GPI: variants seen among roughly 807,000 people sequenced by gnomAD.
GPI encodes the protein glucose-6-phosphate isomerase.
In GPI, 56 loss-of-function variants were observed where a neutral mutation model predicts 75.8. That is an observed-to-expected ratio of 0.74 (90% CI 0.60 to 0.92). The LOEUF is 0.92. Ranked by LOEUF, GPI falls within the 40% of genes least tolerant of loss-of-function variation. The pLI is 0.00. For synonymous variants in GPI, 288 were observed against 285.4 expected, an observed-to-expected ratio of 1.01 and a Z score of -0.09; for missense variants, 638 against 741.0, an observed-to-expected ratio of 0.86 and a Z score of 1.61.
intron 9 of GPI, chr19:34,392,126 T>A (rs1439788516): frequency 8.4e-4 from 1 of 1,194 alleles, no homozygotes. Flanking sequence ...GATCTGCATC[T>A]GTCAGTTTCT....
Position 34,378,421 on chromosome 19 carries a change from G to A in GPI, c.634-513G>A, listed in dbSNP as rs182189991. On this transcript the variant is annotated intron_variant, in intron 6 of 17. Transcript: ENST00000356487. ...GTAGAGATGGGCTTTTGCCATGTTG[G>A]CCATGCTGGTCTTGAACTCCTGACC... is the stretch of plus-strand genomic sequence containing the variant. Among the ~76,000 whole-genome samples the A allele has an allele frequency of 5.8e-3, 882 of 151,956 alleles. 2 individuals are homozygous for A. Among genetic ancestry groups the A allele is most frequent in the Non-Finnish European group, 6.2e-3 (418 of 67,958 alleles).
At chr19:34,395,012 C>T (rs763924661) in intron 12 of GPI, among the ~76,000 whole-genome samples, 2 of 152,152 alleles carry the variant, frequency 1.3e-5, no homozygotes, top group Non-Finnish European at 2.9e-5. Context: ...CCATGCCCAA[C>T]CCTATCCTTG....
chr19:34,368,705 A>T lies in GPI; in HGVS notation c.402+3A>T, dbSNP rs368862023. ...ACAAGATGAAGTCTTTCTGCCAGGT[A>T]AGTGGCTACTGGGCCGGACTCACCC... On this transcript the variant is annotated splice_donor_region_variant and intron_variant, in intron 4 of 17. Coordinates refer to ENST00000356487, the MANE Select transcript of GPI (RefSeq NM_000175.5). The T allele has an allele frequency of 1.7e-4, 278 of 1,614,064 alleles. No individual in the cohort carries two copies. Among genetic ancestry groups the T allele is most frequent in the Non-Finnish European group, 2.3e-4 (269 of 1,180,032 alleles).
rs1490977138 is a variant in GPI, at chr19:34,399,271, C to T, written c.1334C>T (p.Ala445Val). The T allele has an allele frequency of 6.2e-7, 1 of 1,613,876 alleles. No homozygotes were observed. The highest frequency in any genetic ancestry group is 2.2e-5 in the East Asian group (1 of 44,872). The change falls in exon 15 of 18, where the codon GCC (alanine) becomes GTC (valine). Residue 445 changes from alanine to valine, a missense_variant. By Grantham distance (64) the Ala-to-Val change is moderately conservative. Coordinates refer to ENST00000356487, the MANE Select transcript of GPI (RefSeq NM_000175.5). ...ALMRGKSTEE[A>V]RKELQAAGKS... ...ATGAGGGGAAAATCGACGGAGGAGG[C>T]CCGAAAGGAGCTCCAGGCTGCGGGC... is the stretch of plus-strand genomic sequence containing the variant.
chr19:34,396,722 C>T, intron 14 of GPI, 65 bp downstream of exon 14: 1 of 1,277,770 alleles, frequency 7.8e-7, no homozygotes, highest in Admixed American at 1.8e-5. Context: ...CCTCTGAAAA[C>T]CTGGTGCATT....
At position 34,381,612 on chromosome 19, in the gene GPI, G is replaced by C. The variant is rs1335596183; in HGVS notation, c.804+93G>C. 8 of 888,240 alleles carry C rather than the reference G, an allele frequency of 9.0e-6. No homozygotes were observed. In the Admixed American group the frequency reaches 1.0e-4, roughly 11 times the overall value. The allele number at this position is 888,240 out of a possible 1,614,324, so 55.0% of individuals were successfully genotyped here. A position where few individuals can be genotyped will look rare whatever the true frequency, so the allele number is the denominator to read the frequency against. On this transcript the variant is annotated intron_variant, in intron 9 of 17. Transcript: ENST00000356487. ...CCATGAGGTCAGGTCAGTGTTTATT[G>C]AGTACCTGCTGCATACCTAGCTTGG...
intron 9 of GPI, among the ~76,000 whole-genome samples, chr19:34,386,790 T>C (rs956057299): frequency 6.6e-6 from 1 of 152,156 alleles, no homozygotes; most frequent in African/African-American, 2.4e-5. Flanking sequence ...GGTGAGGTCA[T>C]TGGTGCGTGG....
At chr19:34,377,180 T>C (rs2074550810) in intron 4 of GPI, among the ~76,000 whole-genome samples, 2 of 150,040 alleles carry the variant, frequency 1.3e-5, no homozygotes, top group Admixed American at 1.3e-4. Flanking sequence ...CGGGCGCCTG[T>C]AGTCCCAGCT....
Position 34,393,970 on chromosome 19 carries a change from G to T in GPI, c.966G>T (p.Leu322=). ...AGAACGCCCCCGTCTTGCTGGCCCT[G>T]CTGGGTATCTGGTACATCAACTGCT... ...LEKNAPVLLA[L]LGIWYINCFG... is the part of the protein sequence containing the mutation. The change falls in exon 12 of 18, where the codon CTG becomes CTT. Residue 322 remains leucine (L), a synonymous_variant. Coordinates refer to ENST00000356487, the MANE Select transcript of GPI (RefSeq NM_000175.5). This position sits in a 1 kb window ranked among gnomAD's most constrained non-coding sequence, Gnocchi z 4.4. 3 of 1,613,614 alleles carry T rather than the reference G, an allele frequency of 1.9e-6. No homozygotes were observed. Among genetic ancestry groups the T allele is most frequent in the Non-Finnish European group, 1.7e-6 (2 of 1,179,868 alleles).
intron 9 of GPI, among the ~76,000 whole-genome samples, chr19:34,387,888 T>C (rs1205537899): frequency 6.6e-6 from 1 of 151,940 alleles, no homozygotes; most frequent in Non-Finnish European, 1.5e-5. Flanking sequence ...GGAAGGTGGG[T>C]CAGACACAGG....
chr19:34,364,523 C>A (rs1355262696), upstream of GPI, among the ~76,000 whole-genome samples: 1 of 151,886 alleles, frequency 6.6e-6, no homozygotes, highest in Non-Finnish European at 1.5e-5. Context: ...AGGCACGTGT[C>A]ACCAGGCCCG....
chr19:34,366,663 G>A (rs2074369911), intron 2 of GPI, 120 bp from the exon 3 acceptor site: 1 of 802,142 alleles, frequency 1.2e-6, no homozygotes, highest in South Asian at 1.4e-5. Context: ...GCAGGGGAGG[G>A]AACCAGACAG....
upstream of GPI, chr19:34,364,923 G>A (rs1356538170): frequency 2.0e-6 from 3 of 1,499,356 alleles, no homozygotes; most frequent in Admixed American, 6.0e-5. Flanking sequence ...GTAGCTCTCT[G>A]CAGCCTCCAA....
In GPI at chr19:34,400,206, CCCCTCCATGTCTATGCT is replaced by C. The variant is rs1354991727; in HGVS notation, c.*176_*192del. 1 of 711,752 alleles carries C rather than the reference CCCCTCCATGTCTATGCT, an allele frequency of 1.4e-6. No individual in the cohort carries two copies. Among genetic ancestry groups the C allele is most frequent in the East Asian group, 2.6e-5 (1 of 38,034 alleles). The allele number at this position is 711,752 out of a possible 1,614,324, so 44.1% of individuals were successfully genotyped here. On this transcript the variant is annotated 3_prime_UTR_variant, in exon 18 of 18. Transcript: ENST00000356487. ...TGGTCTCCCCCAGCCTAACCCCCAG[CCCCTCCATGTCTATGCT>C]CCCTCTGTGTTAGAATTGGCTGAAG...
Position 34,402,390 on chromosome 19 carries a change from A to G in GPI, c.*2354A>G, listed in dbSNP as rs1009053121. On this transcript the variant is annotated 3_prime_UTR_variant, in exon 18 of 18. Transcript: ENST00000356487. Reference sequence around the variant, plus strand: ...CTTTCTGGAATGTACTTTTGCTTCAATAAATCTGTGCTTTTGTTCCTTCTT... The same window carrying G: ...CTTTCTGGAATGTACTTTTGCTTCAGTAAATCTGTGCTTTTGTTCCTTCTT... The G allele has an allele frequency of 3.3e-5, 5 of 152,224 alleles. No homozygotes were observed. Among genetic ancestry groups the G allele is most frequent in the African/African-American group, 4.8e-5 (2 of 41,460 alleles). 9.4% of individuals were successfully genotyped at this position (152,224 alleles called of 1,614,324 possible). A position where few individuals can be genotyped will look rare whatever the true frequency, so the allele number is the denominator to read the frequency against.
Position 34,400,033 on chromosome 19 carries a change from A to T in GPI, c.1674A>T (p.Gln558His). 6.2e-7 allele frequency: 1 copy of T among 1,611,338 alleles called. No homozygotes were observed. Among genetic ancestry groups the T allele is most frequent in the Non-Finnish European group, 8.5e-7 (1 of 1,179,970 alleles). ...FIKQQREARV[Q>H] Reference sequence around the variant, plus strand: ...AGCAGCAGCGCGAGGCCAGAGTCCAATAAACTCGTGCTCATCTGCAGCCTC... The same window carrying T: ...AGCAGCAGCGCGAGGCCAGAGTCCATTAAACTCGTGCTCATCTGCAGCCTC... Residue 558 changes from glutamine to histidine, a missense_variant, in exon 18 of 18, where the codon CAA (glutamine) becomes CAT (histidine). By Grantham distance (24) the Gln-to-His change is conservative. Coordinates refer to ENST00000356487, the MANE Select transcript of GPI (RefSeq NM_000175.5).
chr19:34,399,919 G>C lies in GPI; in HGVS notation c.1560G>C (p.Gln520His). The C allele has an allele frequency of 1.2e-6, 2 of 1,614,010 alleles. No homozygotes were observed. The highest frequency in any genetic ancestry group is 1.7e-6 in the Non-Finnish European group (2 of 1,180,010). The change falls in exon 18 of 18, where the codon CAG becomes CAC. Residue 520 changes from glutamine (Q) to histidine (H), a missense_variant. By Grantham distance (24) the Gln-to-His change is conservative. Coordinates refer to ENST00000356487, the MANE Select transcript of GPI (RefSeq NM_000175.5). Reference protein sequence around the residue: ...FDQWGVELGKQLAKKIEPELD... With the variant: ...FDQWGVELGKHLAKKIEPELD... ...TTGGCAGAGTGGAGCTGGGAAAGCA[G>C]CTGGCTAAGAAAATAGAGCCTGAGC...
chr19:34,389,379 C>A (rs906533805), intron 9 of GPI, among the ~76,000 whole-genome samples: 1 of 152,120 alleles, frequency 6.6e-6, no homozygotes, highest in African/African-American at 2.4e-5. Context: ...TGTTCTCAGT[C>A]CTCCCACCGT....
At chr19:34,394,708 C>T (rs1474093129) in intron 12 of GPI, among the ~76,000 whole-genome samples, 1 of 151,718 alleles carries the variant, frequency 6.6e-6, no homozygotes, top group Non-Finnish European at 1.5e-5. Context: ...AGCTTTTCCA[C>T]ACCTGTCCCT....
Sources: allele counts gnomAD v4.1 joint callset (sites outside exome capture counted in the v4.1 genomes callset), GRCh38; gene constraint gnomAD v4.1.1; non-coding constraint Gnocchi (gnomAD v3.1); transcripts MANE v1.5; gene names NCBI Gene and HGNC (gene_info 2026-07-23, HGNC 2026-07-21).